Variants in SORL1 observed in about 807,000 individuals in gnomAD.
The protein encoded by SORL1 is sortilin-related receptor.
A neutral mutation model predicts 273.7 loss-of-function variants in SORL1; 127 were observed. The observed-to-expected ratio is 0.46, with a 90% CI of 0.40 to 0.54. SORL1 has a LOEUF of 0.54. SORL1 is among the 20% of genes least tolerant of loss of function. The pLI is 0.00. For missense variants in SORL1, 2,494 were observed against 2,846.1 expected, an observed-to-expected ratio of 0.88 and a Z score of 2.81; for synonymous variants, 1,031 against 1,067.4, an observed-to-expected ratio of 0.97 and a Z score of 0.66.
At position 121,567,040 on chromosome 11, in the gene SORL1, G is replaced by C. The variant is rs1476570739; in HGVS notation, c.3150G>C (p.Val1050=). The C allele has an allele frequency of 6.2e-7, 1 of 1,614,076 alleles. No homozygotes were observed. Among genetic ancestry groups the C allele is most frequent in the East Asian group, 2.2e-5 (1 of 44,896 alleles). The change falls in exon 22 of 48, where the codon GTG becomes GTC. Residue 1050 remains valine, a synonymous_variant. Coordinates refer to ENST00000260197, the MANE Select transcript of SORL1 (RefSeq NM_003105.6). ...GTCCAGAGGATGTGTCCAGCAGTGT[G>C]CTTCCATCAGGGGACCTGATGTGTG... ...CRCPEDVSSS[V]LPSGDLMCDC... is the part of the protein sequence containing the mutation.
chr11:121,553,900 T>C, intron 16 of SORL1, 37 bp from the exon 17 acceptor site: 1 of 1,593,616 alleles, frequency 6.3e-7, no homozygotes, highest in Non-Finnish European at 8.6e-7. Flanking sequence ...CAGCATCCCC[T>C]GGGTCCAACC....
chr11:121,539,033 G>T (rs555635168), intron 12 of SORL1, among the ~76,000 whole-genome samples: 48 of 152,184 alleles, frequency 3.2e-4, no homozygotes, highest in Non-Finnish European at 5.1e-4. Flanking sequence ...AAATTTGGCA[G>T]ATTCGCCTTC....
chr11:121,516,399 G>A (rs528524197), intron 8 of SORL1, among the ~76,000 whole-genome samples: 84 of 152,276 alleles, frequency 5.5e-4, no homozygotes, highest in Middle Eastern at 3.4e-3. Context: ...TGCTTCACCC[G>A]AGCTGCCTTT....
chr11:121,591,194 T>A, intron 31 of SORL1, 38 bp downstream of exon 31: 1 of 1,609,122 alleles, frequency 6.2e-7, no homozygotes. Context: ...TGGTACCTGC[T>A]ATTGTGGAGA....
chr11:121,614,257 T>A (rs938788929), intron 40 of SORL1: 3 of 152,254 alleles, frequency 2.0e-5, no homozygotes, highest in African/African-American at 7.2e-5. Flanking sequence ...AGATATCTTC[T>A]AATATATTTT....
chr11:121,487,100 T>A (rs769390513), intron 3 of SORL1, among the ~76,000 whole-genome samples: 2 of 152,224 alleles, frequency 1.3e-5, no homozygotes, highest in Non-Finnish European at 2.9e-5. Flanking sequence ...TTCCATGGAA[T>A]CATTTCTCAT....
chr11:121,550,499 T>G lies in SORL1; in HGVS notation c.2181-86T>G. ...ATGAGTGGATGGACTCTACTGGCCG[T>G]GGGTAGTAAGTGTATTCCCAGCTGG... On this transcript the variant is annotated intron_variant, in intron 15 of 47. Coordinates refer to ENST00000260197, the MANE Select transcript of SORL1 (RefSeq NM_003105.6). This position sits in a 1 kb window ranked among gnomAD's most constrained non-coding sequence, Gnocchi z 5.3. The G allele has an allele frequency of 9.2e-7, 1 of 1,087,106 alleles. No homozygotes were observed. The highest frequency in any genetic ancestry group is 1.4e-6 in the Non-Finnish European group (1 of 707,858). 67.3% of individuals were successfully genotyped at this position (1,087,106 alleles called of 1,614,324 possible).
intron 18 of SORL1, chr11:121,556,939 G>A (rs1862596139): frequency 9.3e-6 from 2 of 214,926 alleles, no homozygotes; most frequent in Admixed American, 5.3e-5. Context: ...TTATGGGAGT[G>A]TGGAGTCATC....
At chr11:121,515,219 C>A (rs928033452) in intron 8 of SORL1, among the ~76,000 whole-genome samples, 6 of 152,204 alleles carry the variant, frequency 3.9e-5, no homozygotes, top group African/African-American at 1.4e-4. Context: ...AATATCAGAA[C>A]AAAGTCCCTC....
At chr11:121,604,169 T>C (rs1863432449) in intron 32 of SORL1, 24 bp from the exon 33 acceptor site, 5 of 1,613,068 alleles carry the variant, frequency 3.1e-6, no homozygotes, top group Non-Finnish European at 4.2e-6. Flanking sequence ...CCCCGTGGAC[T>C]TAAGAAGCCT....
chr11:121,514,222 A>C lies in SORL1; in HGVS notation c.1112A>C (p.Asn371Thr), dbSNP rs150609294. 2,188 of 1,614,172 alleles carry C rather than the reference A, an allele frequency of 1.4e-3. 3 individuals carry two copies. The highest frequency in any genetic ancestry group is 1.6e-3 in the Non-Finnish European group (1,838 of 1,180,026). The change falls in exon 8 of 48, where the codon AAT (asparagine) becomes ACT (threonine). Residue 371 changes from asparagine (N) to threonine (T), a missense_variant. Physicochemically the swap from Asn to Thr is moderately conservative, Grantham distance 65. Transcript: ENST00000260197. The part of the protein sequence containing the change: ...VCVSHSNNRT[N>T]LYISEAEGLK... The stretch of plus-strand genomic sequence containing the variant: ...GTCAGCCACAGTAACAACCGCACCA[A>C]TTTATACATCTCAGAGGCAGAGGGG...
chr11:121,495,633 T>C (rs1302608598), intron 5 of SORL1, among the ~76,000 whole-genome samples: 1 of 152,228 alleles, frequency 6.6e-6, no homozygotes, highest in African/African-American at 2.4e-5. Context: ...ATTTATTTTT[T>C]CCATTTGCTG....
chr11:121,624,000 C>T (rs372170087), intron 45 of SORL1, among the ~76,000 whole-genome samples: 6 of 152,134 alleles, frequency 3.9e-5, no homozygotes, highest in Admixed American at 2.0e-4. Context: ...TCTTACATGG[C>T]GGCAGACAAA....
In SORL1 at chr11:121,630,495, A is replaced by AT. The variant is rs1212509455; in HGVS notation, c.*938dup. 2.0e-5 allele frequency: 3 copies of AT among 152,074 alleles called. No individual in the cohort carries two copies. Among genetic ancestry groups the AT allele is most frequent in the Admixed American group, 6.6e-5 (1 of 15,258 alleles). The allele number at this position is 152,074 out of a possible 1,614,324, so 9.4% of individuals were successfully genotyped here. A position where few individuals can be genotyped will look rare whatever the true frequency, so the allele number is the denominator to read the frequency against. On this transcript the variant is annotated 3_prime_UTR_variant, in exon 48 of 48. Transcript: ENST00000260197. Reference sequence around the variant, plus strand: ...AGAGTACATAATTTTTCCATTTTCCATTTTTTGTTTTTACTTACTACTGAA... The same window carrying AT: ...AGAGTACATAATTTTTCCATTTTCCATTTTTTTGTTTTTACTTACTACTGAA...
intron 3 of SORL1, among the ~76,000 whole-genome samples, chr11:121,479,676 G>A (rs1407758951): frequency 6.6e-6 from 1 of 152,164 alleles, no homozygotes; most frequent in African/African-American, 2.4e-5. Context: ...GAAGTGTTGT[G>A]GGGTAGGCTT....
Position 121,471,531 on chromosome 11 carries a change from C to T in SORL1, c.402+1408C>T, listed in dbSNP as rs192748122. Among the ~76,000 whole-genome samples the T allele has an allele frequency of 1.6e-3, 251 of 152,330 alleles. 3 individuals carry two copies. Among genetic ancestry groups the T allele is most frequent in the African/African-American group, 5.9e-3 (244 of 41,568 alleles). On this transcript the variant is annotated intron_variant, in intron 2 of 47. Coordinates refer to ENST00000260197, the MANE Select transcript of SORL1 (RefSeq NM_003105.6). The stretch of plus-strand genomic sequence containing the variant: ...CACTGTGGCAGCGCGAGGCTGCAGA[C>T]GGAACACCATGCTTTACAGCTTCGG...
chr11:121,585,216 G>T (rs1202876725), intron 26 of SORL1, among the ~76,000 whole-genome samples: 1 of 152,160 alleles, frequency 6.6e-6, no homozygotes, highest in Non-Finnish European at 1.5e-5. Context: ...AGGTATGGTG[G>T]CTCACGCCTG....
intron 39 of SORL1, 170 bp downstream of exon 39, chr11:121,611,328 T>C (rs141965759): frequency 1.9e-6 from 1 of 520,518 alleles, no homozygotes; most frequent in African/African-American, 1.9e-5. Flanking sequence ...CCTTCCCCCA[T>C]GAAGAACAAC....
In SORL1 at chr11:121,554,248, G is replaced by A. The variant is rs2134902539; in HGVS notation, c.2439+139G>A. 1.4e-6 allele frequency: 1 copy of A among 698,532 alleles called. No individual in the cohort carries two copies. Among genetic ancestry groups the A allele is most frequent in the Non-Finnish European group, 2.4e-6 (1 of 419,250 alleles). 43.3% of individuals were successfully genotyped at this position (698,532 alleles called of 1,614,324 possible). A position where few individuals can be genotyped will look rare whatever the true frequency, so the allele number is the denominator to read the frequency against. On this transcript the variant is annotated intron_variant, in intron 17 of 47. Coordinates refer to ENST00000260197, the MANE Select transcript of SORL1 (RefSeq NM_003105.6). The surrounding 1 kb of genome is among the most constrained non-coding windows in gnomAD (Gnocchi z 4.6). ...CTCATCTCAGGGCTGACAGGTGAAA[G>A]TTTCCAGTCTTCTGTGTTAGTATTT...
Sources: allele counts gnomAD v4.1 joint callset (sites outside exome capture counted in the v4.1 genomes callset), GRCh38; gene constraint gnomAD v4.1.1; non-coding constraint Gnocchi (gnomAD v3.1); transcripts MANE v1.5; gene names NCBI Gene and HGNC (gene_info 2026-07-23, HGNC 2026-07-21).